The following SSPN variants were observed in gnomAD, a reference collection of about 807,000 sequenced individuals.
SSPN encodes the protein sarcospan.
SSPN carries 15 observed loss-of-function variants against 19.1 expected under a neutral mutation model. The observed-to-expected ratio is 0.78, with a 90% CI of 0.52 to 1.21. The LOEUF is 1.21. SSPN is among the 50% of genes most tolerant of loss of function. SSPN has a pLI of 0.00. For missense variants in SSPN, 291 were observed against 314.0 expected, an observed-to-expected ratio of 0.93 and a Z score of 0.55; for synonymous variants, 147 against 140.3, an observed-to-expected ratio of 1.05 and a Z score of -0.34.
Position 26,195,891 on chromosome 12 carries a change from C to T in SSPN, c.219C>T (p.Leu73=), listed in dbSNP as rs1051343072. The T allele has an allele frequency of 8.9e-6, 14 of 1,577,014 alleles. No individual in the cohort carries two copies. The highest frequency in any genetic ancestry group is 1.2e-5 in the Non-Finnish European group (14 of 1,164,556). ...LGIAVTVVGF[L]MASISSSLLV... ...TCGCCGTGACCGTGGTGGGCTTCCTCATGGCGAGCATCAGCTCCTCCCTGC... is the reference window on the plus strand; with the variant it reads ...TCGCCGTGACCGTGGTGGGCTTCCTTATGGCGAGCATCAGCTCCTCCCTGC... The change falls in exon 1 of 3, where the codon CTC becomes CTT. Residue 73 remains leucine, a synonymous_variant. Coordinates refer to ENST00000242729, the MANE Select transcript of SSPN (RefSeq NM_005086.5).
chr12:26,230,982 G>A lies in SSPN; in HGVS notation c.638G>A (p.Cys213Tyr), dbSNP rs775717327. 1 of 1,614,186 alleles carries A rather than the reference G, an allele frequency of 6.2e-7. No individual in the cohort carries two copies. Among genetic ancestry groups the A allele is most frequent in the Non-Finnish European group, 8.5e-7 (1 of 1,180,038 alleles). Residue 213 changes from cysteine (C) to tyrosine (Y), a missense_variant, in exon 3 of 3, where the codon TGC becomes TAC. This residue lies in a region of SSPN where 141 missense variants were observed against 166.7 expected (regional missense o/e 0.85). Coordinates refer to ENST00000242729, the MANE Select transcript of SSPN (RefSeq NM_005086.5). ...LVCGLVCLLACFVMWKHRYQV... is the reference protein window; with the variant it reads ...LVCGLVCLLAYFVMWKHRYQV... Reference sequence around the variant, plus strand: ...TGCGGCCTTGTGTGCTTGTTGGCCTGCTTTGTGATGTGGAAACATAGGTAC... The same window carrying A: ...TGCGGCCTTGTGTGCTTGTTGGCCTACTTTGTGATGTGGAAACATAGGTAC...
intron 1 of SSPN, among the ~76,000 whole-genome samples, chr12:26,183,359 C>T (rs1195473980): frequency 6.6e-6 from 1 of 152,106 alleles, no homozygotes; most frequent in Non-Finnish European, 1.5e-5. Flanking sequence ...AACAATTGGC[C>T]CTCCTCAGCC....
chr12:26,224,285 C>T lies in SSPN; in HGVS notation c.280-8C>T, dbSNP rs369712013. On this transcript the variant is annotated splice_region_variant and splice_polypyrimidine_tract_variant and intron_variant, in intron 1 of 2. Transcript: ENST00000242729. ...ATAACATCCTTTCTTCTGTGTTCTC[C>T]CTTGCAGGTCTGCTTAGTGGCCTAT... 2 of 1,609,484 alleles carry T rather than the reference C, an allele frequency of 1.2e-6. No homozygotes were observed. Among genetic ancestry groups the T allele is most frequent in the South Asian group, 2.2e-5 (2 of 90,992 alleles).
chr12:26,171,371 C>T (rs960399295), intron 1 of SSPN, among the ~76,000 whole-genome samples: 2 of 152,204 alleles, frequency 1.3e-5, no homozygotes, highest in Non-Finnish European at 2.9e-5. Context: ...GTTGAACAAC[C>T]GTTCTCAAAC....
In SSPN at chr12:26,232,182, T is replaced by G; in HGVS notation, c.*1106T>G. ...GGGTAATGCTGATGTGTTCCATTCA[T>G]GAAACTGTATTTGATACATAATCCT... On this transcript the variant is annotated 3_prime_UTR_variant, in exon 3 of 3. Coordinates refer to ENST00000242729, the MANE Select transcript of SSPN (RefSeq NM_005086.5). The G allele has an allele frequency of 2.0e-6, 2 of 985,476 alleles. No individual in the cohort carries two copies. The highest frequency in any genetic ancestry group is 2.4e-6 in the Non-Finnish European group (2 of 829,940). 61.0% of individuals were successfully genotyped at this position (985,476 alleles called of 1,614,324 possible).
Position 26,232,386 on chromosome 12 carries a change from T to G in SSPN, c.*1310T>G. 1.0e-6 allele frequency: 1 copy of G among 985,430 alleles called. No homozygotes were observed. The highest frequency in any genetic ancestry group is 1.2e-6 in the Non-Finnish European group (1 of 829,920). 61.0% of individuals were successfully genotyped at this position (985,430 alleles called of 1,614,324 possible). ...CTTCTCTCTGTGATTATTGTTGCTA[T>G]TAAATTCTGAACTGTATCCATATTT... On this transcript the variant is annotated 3_prime_UTR_variant, in exon 3 of 3. Transcript: ENST00000242729.
intron 1 of SSPN, among the ~76,000 whole-genome samples, chr12:26,181,745 G>A (rs1165455003): frequency 6.6e-6 from 1 of 152,170 alleles, no homozygotes; most frequent in Non-Finnish European, 1.5e-5. Context: ...ACTAAATGCA[G>A]CACGTTGATG....
intron 2 of SSPN, among the ~76,000 whole-genome samples, chr12:26,225,745 TAAAAAAA>T (rs35244146): frequency 2.5e-5 from 3 of 121,892 alleles, no homozygotes; most frequent in Admixed American, 8.2e-5. Context: ...GCTTGGTGAT[TAAAAAAA>T]AAAAAAAAAA....
chr12:26,186,665 G>A (rs912541498), intron 1 of SSPN, among the ~76,000 whole-genome samples: 5 of 152,342 alleles, frequency 3.3e-5, no homozygotes, highest in African/African-American at 1.2e-4. Flanking sequence ...AGGCTGCGCT[G>A]AGTGAGATTC....
chr12:26,224,341 CA>C lies in SSPN; in HGVS notation c.329del (p.Gln110ArgfsTer12), dbSNP rs1170122379. 1 of 1,613,962 alleles carries C rather than the reference CA, an allele frequency of 6.2e-7. No homozygotes were observed. Among genetic ancestry groups the C allele is most frequent in the Non-Finnish European group, 8.5e-7 (1 of 1,179,904 alleles). ...LGLFMLCVSY[Q>X]VDERTCIQFS... The stretch of plus-strand genomic sequence containing the variant: ...CTTGTTTATGCTTTGTGTCTCATAT[CA>C]GGTTGACGAACGGACATGTATTCAA... On this transcript the variant is annotated frameshift_variant, in exon 2 of 3. Coordinates refer to ENST00000242729, the MANE Select transcript of SSPN (RefSeq NM_005086.5). LOFTEE classifies it high-confidence loss of function.
chr12:26,129,157 A>G (rs757452561), intron 1 of SSPN, among the ~76,000 whole-genome samples: 1 of 152,118 alleles, frequency 6.6e-6, no homozygotes, highest in Non-Finnish European at 1.5e-5. Flanking sequence ...TGGCCCCAAA[A>G]TCTGCTTAGG....
At chr12:26,126,813 G>C (rs1474738251) in intron 1 of SSPN, among the ~76,000 whole-genome samples, 1 of 152,216 alleles carries the variant, frequency 6.6e-6, no homozygotes, top group Non-Finnish European at 1.5e-5. Flanking sequence ...AAGGTCTCTC[G>C]ACTTCCTCAA....
chr12:26,193,718 ACT>A (rs1232965798), upstream of SSPN, among the ~76,000 whole-genome samples: 1 of 152,002 alleles, frequency 6.6e-6, no homozygotes, highest in African/African-American at 2.4e-5. Flanking sequence ...TGCCTCAGCC[ACT>A]CTGTTTTTCT....
chr12:26,124,264 C>A, intron 1 of SSPN: 1 of 578,530 alleles, frequency 1.7e-6, no homozygotes, highest in Non-Finnish European at 3.0e-6. Flanking sequence ...CCCCCCCCGC[C>A]CCCCCACCAT....
chr12:26,217,138 G>T (rs1417295157), intron 1 of SSPN, among the ~76,000 whole-genome samples: 6 of 134,066 alleles, frequency 4.5e-5, no homozygotes, highest in Non-Finnish European at 9.6e-5. Context: ...TGATGGGGAT[G>T]GCATTGAATC....
In SSPN at chr12:26,224,330, G is replaced by C. The variant is rs763348962; in HGVS notation, c.317G>C (p.Cys106Ser). 1.9e-6 allele frequency: 3 copies of C among 1,614,012 alleles called. No homozygotes were observed. The highest frequency in any genetic ancestry group is 2.5e-6 in the Non-Finnish European group (3 of 1,179,960). Reference sequence around the variant, plus strand: ...GCCTATCTTGGCTTGTTTATGCTTTGTGTCTCATATCAGGTTGACGAACGG... The same window carrying C: ...GCCTATCTTGGCTTGTTTATGCTTTCTGTCTCATATCAGGTTGACGAACGG... ...LVAYLGLFML[C>S]VSYQVDERTC... Residue 106 changes from cysteine (C) to serine (S), a missense_variant, in exon 2 of 3, where the codon TGT (cysteine) becomes TCT (serine). Coordinates refer to ENST00000242729, the MANE Select transcript of SSPN (RefSeq NM_005086.5).
In SSPN at chr12:26,139,802, G is replaced by C. The variant is rs546819926; in HGVS notation, c.-31+17650G>C. ...CTTTGTTTTTACTATAATTTACTTA[G>C]TGGTAAATTTTTATAACTTAATTCG... On this transcript the variant is annotated intron_variant, in intron 1 of 2. Transcript: ENST00000538142. 2.2e-4 allele frequency among the ~76,000 whole-genome samples: 34 copies of C among 152,300 alleles called. No individual in the cohort carries two copies. The South Asian group carries it at 2.5e-3, about 11-fold the overall frequency.
At chr12:26,157,036 C>T (rs1308199764) in intron 1 of SSPN, among the ~76,000 whole-genome samples, 1 of 152,136 alleles carries the variant, frequency 6.6e-6, no homozygotes, top group Non-Finnish European at 1.5e-5. Context: ...AGGTTTAGAG[C>T]AGGGATCTTT....
At chr12:26,162,394 C>T (rs1944594855) in intron 1 of SSPN, among the ~76,000 whole-genome samples, 1 of 152,160 alleles carries the variant, frequency 6.6e-6, no homozygotes, top group African/African-American at 2.4e-5. Flanking sequence ...TATTCTTATC[C>T]TCAGTAGACT....
Sources: allele counts gnomAD v4.1 joint callset (sites outside exome capture counted in the v4.1 genomes callset), GRCh38; gene constraint gnomAD v4.1.1; regional missense constraint gnomAD v4.1.1; transcripts MANE v1.5; gene names NCBI Gene and HGNC (gene_info 2026-07-23, HGNC 2026-07-21).